The following NBR1 variants were observed in gnomAD, a reference collection of about 807,000 sequenced individuals.
The protein encoded by NBR1 is next to BRCA1 gene 1 protein.
Under a neutral mutation model 115.5 loss-of-function variants are expected in NBR1, and 59 were observed. The observed-to-expected ratio is 0.51, with a 90% CI of 0.41 to 0.63. The LOEUF is 0.63. Ranked by LOEUF, NBR1 falls within the 30% of genes least tolerant of loss-of-function variation. The probability of loss-of-function intolerance (pLI) is 0.00; values close to 1 mark genes in which losing one functional copy is unlikely to be tolerated. For missense variants in NBR1, 1,043 were observed against 1,150.5 expected (o/e 0.91, Z 1.35); for synonymous variants, 373 against 414.7 (o/e 0.90, Z 1.22).
chr17:43,190,019 G>A (rs2056905381), intron 8 of NBR1: 1 of 559,326 alleles, frequency 1.8e-6, no homozygotes, highest in African/African-American at 1.9e-5. Context: ...GATTAGCAAA[G>A]CCAGGCAAAA....
rs1366688702 is a variant in NBR1, at chr17:43,193,573, C to A, written c.1459C>A (p.Pro487Thr). 3 of 1,612,146 alleles carry A rather than the reference C, an allele frequency of 1.9e-6. No individual in the cohort carries two copies. Among genetic ancestry groups the A allele is most frequent in the Non-Finnish European group, 1.7e-6 (2 of 1,179,200 alleles). Residue 487 changes from proline (P) to threonine (T), a missense_variant, in exon 12 of 21, where the codon CCT (proline) becomes ACT (threonine). Physicochemically the swap from Pro to Thr is conservative, Grantham distance 38. Coordinates refer to ENST00000590996, the MANE Select transcript of NBR1 (RefSeq NM_005899.5). ...IVDPFPSEES[P>T]DNIEKGMISS... ...AGATCCTTTCCCCTCCGAAGAGAGC[C>A]CTGATAACATTGAAAAGGGCATGAT...
At chr17:43,203,975 T>A (rs1217331212) in intron 20 of NBR1, among the ~76,000 whole-genome samples, 189 bp downstream of exon 20, 5 of 151,654 alleles carry the variant, frequency 3.3e-5, no homozygotes, top group African/African-American at 7.3e-5. Context: ...TCTCGCTCTG[T>A]TGCCCAGGCT....
chr17:43,189,809 A>C lies in NBR1; in HGVS notation c.695+7A>C. The C allele has an allele frequency of 1.2e-6, 2 of 1,612,756 alleles. No individual in the cohort carries two copies. The highest frequency in any genetic ancestry group is 1.7e-6 in the Non-Finnish European group (2 of 1,179,512). Reference sequence around the variant, plus strand: ...GTGTCCGCTACCAGTGTAGGTAAGCAGTTGCTTGGGAGTAGCTAGCTAGTG... The same window carrying C: ...GTGTCCGCTACCAGTGTAGGTAAGCCGTTGCTTGGGAGTAGCTAGCTAGTG... On this transcript the variant is annotated splice_region_variant and intron_variant, in intron 8 of 20. Coordinates refer to ENST00000590996, the MANE Select transcript of NBR1 (RefSeq NM_005899.5).
intron 16 of NBR1, among the ~76,000 whole-genome samples, chr17:43,199,434 C>G (rs1334033434): frequency 1.3e-5 from 2 of 150,832 alleles, no homozygotes; most frequent in African/African-American, 4.9e-5. Context: ...AGTGCAGCAG[C>G]GCGGTCTCGG....
chr17:43,196,876 A>G (rs2057079890), intron 15 of NBR1, 66 bp from the exon 16 acceptor site: 1 of 1,554,928 alleles, frequency 6.4e-7, no homozygotes, highest in African/African-American at 1.4e-5. Context: ...TAGCATGGGT[A>G]ATGACTGGTG....
At chr17:43,209,687 A>C in intron 20 of NBR1, 1 of 1,535,360 alleles carries the variant, frequency 6.5e-7, no homozygotes, top group African/African-American at 1.4e-5. Flanking sequence ...TCCTCCTTCA[A>C]GTACACAGAT....
chr17:43,179,494 T>G, intron 4 of NBR1, 82 bp downstream of exon 4: 1 of 1,286,914 alleles, frequency 7.8e-7, no homozygotes, highest in Non-Finnish European at 1.1e-6. Flanking sequence ...TACTCAAACC[T>G]TATTGCAGTA....
chr17:43,173,480 G>T (rs879540938), intron 1 of NBR1, among the ~76,000 whole-genome samples: 22 of 152,164 alleles, frequency 1.4e-4, no homozygotes, highest in Non-Finnish European at 2.9e-4. Context: ...TAGGGACGAG[G>T]TTTCACCATG....
At chr17:43,188,181 C>T (rs368615707) in intron 6 of NBR1, among the ~76,000 whole-genome samples, 1 of 152,220 alleles carries the variant, frequency 6.6e-6, no homozygotes. Flanking sequence ...TGAGCCACTG[C>T]GCCCGGCCTG....
chr17:43,184,369 A>ATCCTTTTTTTTTTTTTTTTTTT (rs2056749294), intron 5 of NBR1, among the ~76,000 whole-genome samples: 1 of 21,820 alleles, frequency 4.6e-5, no homozygotes, highest in African/African-American at 6.2e-5. Context: ...CCAAAATACT[A>ATCCTTTTTTTTTTTTTTTTTTT]TTCTTTTTTT....
intron 5 of NBR1, among the ~76,000 whole-genome samples, chr17:43,182,839 C>T (rs993129151): frequency 1.3e-5 from 2 of 151,622 alleles, no homozygotes; most frequent in Non-Finnish European, 2.9e-5. Context: ...TCTTGGCTAC[C>T]AGCAGCCTAC....
intron 14 of NBR1, chr17:43,195,364 G>A (rs758208120): frequency 3.3e-6 from 1 of 306,472 alleles, no homozygotes; most frequent in Non-Finnish European, 6.1e-6. Context: ...AAAATTAGCT[G>A]GGTGTGGCCA....
At chr17:43,185,129 T>C (rs2056770320) in intron 5 of NBR1, among the ~76,000 whole-genome samples, 1 of 151,692 alleles carries the variant, frequency 6.6e-6, no homozygotes, top group South Asian at 2.1e-4. Flanking sequence ...AGTAACCCAG[T>C]TAAGGAGAAT....
Position 43,193,109 on chromosome 17 carries a change from C to G in NBR1, c.1089C>G (p.Pro363=). The change falls in exon 11 of 21, where the codon CCC becomes CCG. Residue 363 remains proline (P), a synonymous_variant. Coordinates refer to ENST00000590996, the MANE Select transcript of NBR1 (RefSeq NM_005899.5). ...QSNTLMLPLQ[P]CTSVMPMLSA... is the part of the protein sequence containing the mutation. The stretch of plus-strand genomic sequence containing the variant: ...TTCTGTTCAGGCTCCCTTTGCAGCC[C>G]TGTACCTCCGTTATGCCAATGCTCA... 6.2e-7 allele frequency: 1 copy of G among 1,613,936 alleles called. No individual in the cohort carries two copies. The highest frequency in any genetic ancestry group is 1.1e-5 in the South Asian group (1 of 91,070).
rs186042135 is a variant in NBR1 at position 43,190,399 on chromosome 17, C to G, written c.696-210C>G. ...ATGTACTTTCACATCTTACCTTCCT[C>G]CCATAGATTTTCATTTAAAATGGAT... is the stretch of plus-strand genomic sequence containing the variant. On this transcript the variant is annotated intron_variant, in intron 8 of 20. Transcript: ENST00000590996. 1,183 of 558,402 alleles carry G rather than the reference C, an allele frequency of 2.1e-3. 5 individuals carry two copies. Among genetic ancestry groups the G allele is most frequent in the Non-Finnish European group, 3.1e-3 (946 of 309,026 alleles). The allele number at this position is 558,402 out of a possible 1,614,324, so 34.6% of individuals were successfully genotyped here.
chr17:43,182,420 C>T (rs2056693757), intron 5 of NBR1, among the ~76,000 whole-genome samples: 1 of 151,312 alleles, frequency 6.6e-6, no homozygotes, highest in South Asian at 2.1e-4. Context: ...CAGGGTTTCG[C>T]CTTGTTGGCC....
intron 5 of NBR1, 49 bp from the exon 6 acceptor site, chr17:43,186,198 TAGG>T (rs1430364541): frequency 1.4e-6 from 2 of 1,443,194 alleles, no homozygotes; most frequent in Non-Finnish European, 1.9e-6. Context: ...AAATGTTATT[TAGG>T]AGAAGATAAT....
At chr17:43,192,101 A>T (rs1390100433) in intron 10 of NBR1, among the ~76,000 whole-genome samples, 1 of 139,164 alleles carries the variant, frequency 7.2e-6, no homozygotes, top group Non-Finnish European at 1.5e-5. Flanking sequence ...GCTCACTGCA[A>T]CCTCTGCCTC....
chr17:43,188,062 T>TTG (rs892106301), intron 6 of NBR1, among the ~76,000 whole-genome samples: 1 of 151,648 alleles, frequency 6.6e-6, no homozygotes, highest in African/African-American at 2.4e-5. Context: ...AGCTATTTTT[T>TTG]TGTATTTTTA....
Sources: allele counts gnomAD v4.1 joint callset (sites outside exome capture counted in the v4.1 genomes callset), GRCh38; gene constraint gnomAD v4.1.1; transcripts MANE v1.5; gene names NCBI Gene and HGNC (gene_info 2026-07-23, HGNC 2026-07-21).